Variants in GGA2 observed in about 807,000 individuals in gnomAD.
GGA2 encodes golgi associated, gamma adaptin ear containing, ARF binding protein 2, also known as ADP-ribosylation factor-binding protein GGA2.
Under a neutral mutation model 79.5 loss-of-function variants are expected in GGA2, and 48 were observed. That is an observed-to-expected ratio of 0.60 (90% CI 0.48 to 0.77). The LOEUF (loss-of-function observed/expected upper bound fraction) is 0.77, where lower values mean the gene tolerates loss of function less well. Among genes scored for constraint, GGA2 ranks in the 30% least tolerant of loss-of-function variants. GGA2 has a pLI of 0.00. For missense variants in GGA2, 770 were observed against 774.0 expected, an observed-to-expected ratio of 0.99 and a Z score of 0.06; for synonymous variants, 317 against 302.0, an observed-to-expected ratio of 1.05 and a Z score of -0.51.
chr16:23,483,492 T>G (rs1223701282), intron 8 of GGA2, among the ~76,000 whole-genome samples: 1 of 152,184 alleles, frequency 6.6e-6, no homozygotes, highest in Non-Finnish European at 1.5e-5. Flanking sequence ...CTGGCTCTCC[T>G]CCTGTGCAGA....
At chr16:23,472,915 C>T (rs944614805) in intron 14 of GGA2, among the ~76,000 whole-genome samples, 1 of 151,154 alleles carries the variant, frequency 6.6e-6, no homozygotes, top group Admixed American at 6.6e-5. Flanking sequence ...GCACCTGTGT[C>T]CCAGCTACTC....
At position 23,466,123 on chromosome 16, in the gene GGA2, C is replaced by T. The variant is rs1046491893; in HGVS notation, c.*1467G>A. 5 of 152,150 alleles carry T rather than the reference C, an allele frequency of 3.3e-5. No individual in the cohort carries two copies. Among genetic ancestry groups the T allele is most frequent in the African/African-American group, 1.2e-4 (5 of 41,420 alleles). 9.4% of individuals were successfully genotyped at this position (152,150 alleles called of 1,614,324 possible). On this transcript the variant is annotated 3_prime_UTR_variant, in exon 17 of 17. Coordinates refer to ENST00000309859, the MANE Select transcript of GGA2 (RefSeq NM_015044.4). Reference sequence around the variant, plus strand: ...TCCCATCTCCACCAATTAGTATTGGCAGATTTCCACTATATGTAGAAGTCA... The same window carrying T: ...TCCCATCTCCACCAATTAGTATTGGTAGATTTCCACTATATGTAGAAGTCA...
chr16:23,500,098 C>G lies in GGA2; in HGVS notation c.92-4320G>C, dbSNP rs183787945. On this transcript the variant is annotated intron_variant, in intron 1 of 16. Coordinates refer to ENST00000309859, the MANE Select transcript of GGA2 (RefSeq NM_015044.4). ...ATCACAGCTCTCAGGCTTGTTGTAT[C>G]TAGACCCATTCTAAGGAAACCAAAC... is the stretch of plus-strand genomic sequence containing the variant. Among the ~76,000 whole-genome samples the G allele has an allele frequency of 9.2e-4, 140 of 152,332 alleles. 1 individual carries two copies. Among genetic ancestry groups the G allele is most frequent in the African/African-American group, 3.3e-3 (139 of 41,586 alleles).
Position 23,488,729 on chromosome 16 carries a change from A to G in GGA2, c.476-20T>C. The G allele has an allele frequency of 7.5e-7, 1 of 1,327,514 alleles. No homozygotes were observed. The highest frequency in any genetic ancestry group is 1.9e-4 in the Middle Eastern group (1 of 5,204). The allele number at this position is 1,327,514 out of a possible 1,614,324, so 82.2% of individuals were successfully genotyped here. ...TAATTCCTAAAAATGCAATTTACAA[A>G]GTTAAGACACCGATATGGTACCCAG... On this transcript the variant is annotated intron_variant, in intron 5 of 16. Coordinates refer to ENST00000309859, the MANE Select transcript of GGA2 (RefSeq NM_015044.4).
chr16:23,489,953 T>TGA (rs1964762274), intron 5 of GGA2, among the ~76,000 whole-genome samples: 1 of 151,992 alleles, frequency 6.6e-6, no homozygotes, highest in Admixed American at 6.6e-5. Flanking sequence ...TACACTGGGG[T>TGA]GAGGCAGGAT....
chr16:23,511,016 CGTGTGTGTGTGTGTGTGTGTGT>C (rs145140640), upstream of GGA2, among the ~76,000 whole-genome samples: 5 of 28,838 alleles, frequency 1.7e-4, no homozygotes, highest in Admixed American at 4.1e-4. Context: ...TGGGTTTCAC[CGTGTGTGTGTGTGTGTGTGTGT>C]GTGTGTGTGT....
chr16:23,494,251 C>A, intron 3 of GGA2, 52 bp downstream of exon 3: 3 of 1,205,116 alleles, frequency 2.5e-6, no homozygotes, highest in Non-Finnish European at 3.7e-6. Context: ...CCTCTCGGCT[C>A]TCTATAGCAC....
chr16:23,505,911 G>A lies in GGA2; in HGVS notation c.91+4410C>T, dbSNP rs74014925. On this transcript the variant is annotated intron_variant, in intron 1 of 16. Transcript: ENST00000309859. ...CCTGGACTGAGCCTACCCCTACTCT[G>A]GGACTTTCTTTACTTTCCTTTTTTT... 5.8e-3 allele frequency among the ~76,000 whole-genome samples: 888 copies of A among 152,296 alleles called. 14 individuals are homozygous for A. Among genetic ancestry groups the A allele is most frequent in the African/African-American group, 0.02 (843 of 41,560 alleles).
At chr16:23,491,555 C>G (rs934917975) in intron 5 of GGA2, 122 bp downstream of exon 5, 1 of 608,602 alleles carries the variant, frequency 1.6e-6, no homozygotes, top group Non-Finnish European at 2.7e-6. Context: ...AAAACTCTAC[C>G]TCAGTGTCTA....
upstream of GGA2, chr16:23,510,612 G>A (rs907732358): frequency 1.6e-5 from 6 of 380,256 alleles, no homozygotes; most frequent in Non-Finnish European, 2.8e-5. Flanking sequence ...TCCACCCAGC[G>A]CTGGTCTTCT....
chr16:23,470,783 C>CACACACAA (rs1416972336), intron 14 of GGA2, among the ~76,000 whole-genome samples: 1 of 148,340 alleles, frequency 6.7e-6, no homozygotes, highest in Non-Finnish European at 1.5e-5. Context: ...AAAAGCCACA[C>CACACACAA]ACACACAAAA....
chr16:23,475,490 T>G (rs1964566064), intron 13 of GGA2, among the ~76,000 whole-genome samples: 1 of 151,552 alleles, frequency 6.6e-6, no homozygotes, highest in Admixed American at 6.6e-5. Flanking sequence ...GCGCCAGATG[T>G]TATATGACTT....
At chr16:23,493,313 T>A (rs755214513) in intron 4 of GGA2, 47 bp downstream of exon 4, 2 of 1,108,482 alleles carry the variant, frequency 1.8e-6, no homozygotes, top group East Asian at 2.3e-5. Context: ...AGTTTGACAG[T>A]GGGCGTAGGT....
chr16:23,515,504 G>A (rs535020882), intron 2 of GGA2, among the ~76,000 whole-genome samples: 76 of 150,178 alleles, frequency 5.1e-4, no homozygotes, highest in Non-Finnish European at 9.7e-4. Context: ...GGCTGAGACC[G>A]GAGAATCGTG....
At chr16:23,472,133 C>G (rs1404709122) in intron 14 of GGA2, among the ~76,000 whole-genome samples, 1 of 148,000 alleles carries the variant, frequency 6.8e-6, no homozygotes, top group Non-Finnish European at 1.5e-5. Flanking sequence ...GAAAGGCATC[C>G]AAAGATGTTC....
At chr16:23,475,779 A>G (rs1296834967) in intron 13 of GGA2, among the ~76,000 whole-genome samples, 1 of 151,822 alleles carries the variant, frequency 6.6e-6, no homozygotes, top group Non-Finnish European at 1.5e-5. Context: ...AAAATAAAAA[A>G]TTAGCCAGGT....
intron 5 of GGA2, among the ~76,000 whole-genome samples, chr16:23,489,678 A>G (rs1964758705): frequency 1.3e-5 from 2 of 152,220 alleles, no homozygotes; most frequent in African/African-American, 4.8e-5. Context: ...ATTATTTAAA[A>G]ATTGTCTACA....
rs558023271 is a variant in GGA2 at position 23,491,325 on chromosome 16, A to C, written c.475+352T>G. ...TTGTCTCAAAAAAAAAAAAAAAAAA[A>C]AAAACCAAAAGGTTAGTTTTTAGGC... On this transcript the variant is annotated intron_variant, in intron 5 of 16. Transcript: ENST00000309859. 2.6e-3 allele frequency among the ~76,000 whole-genome samples: 400 copies of C among 151,576 alleles called. 1 individual carries two copies. Among genetic ancestry groups the C allele is most frequent in the African/African-American group, 9.2e-3 (382 of 41,402 alleles).
chr16:23,498,457 A>C (rs1964882669), intron 1 of GGA2, among the ~76,000 whole-genome samples: 1 of 152,078 alleles, frequency 6.6e-6, no homozygotes, highest in Non-Finnish European at 1.5e-5. Context: ...GTCTGGGCAC[A>C]GTGTCTCATG....
Sources: gnomAD v4.1 joint callset for allele counts (sites outside exome capture counted in the v4.1 genomes callset) on GRCh38, gnomAD v4.1.1 for gene constraint, MANE v1.5 for transcripts, NCBI Gene and HGNC (gene_info 2026-07-23, HGNC 2026-07-21) for gene names.